Variants in TPX2 observed in about 807,000 individuals in gnomAD.
TPX2 encodes the protein TPX2 microtubule nucleation factor.
TPX2 carries 21 observed loss-of-function variants against 93.6 expected under a neutral mutation model. That is an observed-to-expected ratio of 0.22 (90% CI 0.16 to 0.32). The LOEUF is 0.32. TPX2 is among the 10% of genes least tolerant of loss of function. The pLI is 1.00. For synonymous variants in TPX2, 281 were observed against 298.3 expected (o/e 0.94, Z 0.60); for missense variants, 776 against 871.1 (o/e 0.89, Z 1.37).
At chr20:31,742,082 T>A (rs1600346860) in intron 1 of TPX2, among the ~76,000 whole-genome samples, 2 of 151,924 alleles carry the variant, frequency 1.3e-5, no homozygotes, top group East Asian at 3.9e-4. Flanking sequence ...TAAAGAACAG[T>A]GAGAAAAGTA....
At chr20:31,756,645 C>T (rs1329149283) in intron 2 of TPX2, among the ~76,000 whole-genome samples, 1 of 151,594 alleles carries the variant, frequency 6.6e-6, no homozygotes, top group African/African-American at 2.4e-5. Flanking sequence ...TTTTTTGAGA[C>T]AGAGTTTTGC....
chr20:31,762,988 C>T (rs886275756), intron 4 of TPX2, among the ~76,000 whole-genome samples: 2 of 152,100 alleles, frequency 1.3e-5, no homozygotes, highest in South Asian at 2.1e-4. Context: ...GCTATAAATA[C>T]GTGGATTTTT....
intron 2 of TPX2, among the ~76,000 whole-genome samples, chr20:31,757,188 G>A (rs1316408510): frequency 5.3e-5 from 8 of 152,064 alleles, no homozygotes; most frequent in Admixed American, 3.3e-4. Flanking sequence ...GATTACAGAC[G>A]TGAGCCACTG....
intron 2 of TPX2, among the ~76,000 whole-genome samples, chr20:31,756,116 CTCT>C (rs2061849926): frequency 2.0e-5 from 3 of 152,138 alleles, no homozygotes; most frequent in Admixed American, 1.3e-4. Flanking sequence ...CTGTGTTGAA[CTCT>C]TACTATGTAT....
rs1236430461 is a variant in TPX2 at position 31,783,839 on chromosome 20, G to A, written c.1331G>A (p.Arg444Gln). 6 of 1,608,984 alleles carry A rather than the reference G, an allele frequency of 3.7e-6. No homozygotes were observed. Among genetic ancestry groups the A allele is most frequent in the Admixed American group, 3.4e-5 (2 of 58,268 alleles). The change falls in exon 12 of 18, where the codon CGA (arginine) becomes CAA (glutamine). Residue 444 changes from arginine (R) to glutamine (Q), a missense_variant. Around this residue, in one of 3 missense-constraint regions of TPX2, gnomAD observed 461 missense variants for 551.2 expected, o/e 0.84. Transcript: ENST00000300403. ...DLEIEKRIQE[R>Q]ESKKKTEDEH... is the part of the protein sequence containing the mutation. ...GAAATTGAGAAAAGAATCCAGGAGC[G>A]AGAATCAAAGAAGAAAACAGAGGAT...
intron 4 of TPX2, among the ~76,000 whole-genome samples, chr20:31,763,677 T>C (rs2061905011): frequency 6.6e-6 from 1 of 151,822 alleles, no homozygotes; most frequent in Non-Finnish European, 1.5e-5. Context: ...CGTTGATGAA[T>C]TGGCCACTTT....
At chr20:31,747,942 G>A (rs1440273364) in intron 2 of TPX2, among the ~76,000 whole-genome samples, 6 of 151,990 alleles carry the variant, frequency 3.9e-5, no homozygotes, top group African/African-American at 1.4e-4. Context: ...AATTTTGGAA[G>A]ATTTCACATC....
chr20:31,766,552 G>T lies in TPX2; in HGVS notation c.230-4G>T. 6.2e-7 allele frequency: 1 copy of T among 1,602,896 alleles called. No individual in the cohort carries two copies. Among genetic ancestry groups the T allele is most frequent in the Non-Finnish European group, 8.5e-7 (1 of 1,174,310 alleles). On this transcript the variant is annotated splice_polypyrimidine_tract_variant and splice_region_variant and intron_variant, in intron 4 of 17. Transcript: ENST00000300403. ...AGTGCTGACTAGCTTTTGGTCTTCC[G>T]CAGTTGACAACACTTACTACAAAGA...
At chr20:31,746,236 C>T (rs998906405) in intron 2 of TPX2, among the ~76,000 whole-genome samples, 2 of 152,206 alleles carry the variant, frequency 1.3e-5, no homozygotes, top group Non-Finnish European at 2.9e-5. Flanking sequence ...GTCCATTAAA[C>T]TTCCTTCAGA....
chr20:31,793,972 A>G lies in TPX2; in HGVS notation c.1634A>G (p.Lys545Arg). The change falls in exon 14 of 18, where the codon AAA (lysine) becomes AGA (arginine). Residue 545 changes from lysine (K) to arginine (R), a missense_variant. By Grantham distance (26) the Lys-to-Arg change is conservative. Coordinates refer to ENST00000300403, the MANE Select transcript of TPX2 (RefSeq NM_012112.5). ...CCTTTCTCGTTTGATTCTCGAGACA[A>G]AGAACGTCAGTTACAGAAGGAGAAG... ...ICPFSFDSRD[K>R]ERQLQKEKKI... is the part of the protein sequence containing the mutation. The G allele has an allele frequency of 1.9e-6, 3 of 1,613,760 alleles. No homozygotes were observed. The highest frequency in any genetic ancestry group is 2.5e-6 in the Non-Finnish European group (3 of 1,179,868).
chr20:31,770,367 GA>G lies in TPX2; in HGVS notation c.383del (p.Lys128ArgfsTer11). On this transcript the variant is annotated frameshift_variant, in exon 6 of 18. Coordinates refer to ENST00000300403, the MANE Select transcript of TPX2 (RefSeq NM_012112.5). LOFTEE classifies it high-confidence loss of function. ...QRRSLRLSAQ[K>X]DLEQKEKHHV... ...GAAGATCTCTTAGGCTTTCTGCTCA[GA>G]AGGATTTGGAACAGAAAGAAAAGCA... The G allele has an allele frequency of 6.3e-7, 1 of 1,599,256 alleles. No individual in the cohort carries two copies. The highest frequency in any genetic ancestry group is 1.1e-5 in the South Asian group (1 of 88,244).
At chr20:31,766,509 T>G (rs2061927247) in intron 4 of TPX2, 47 bp from the exon 5 acceptor site, 1 of 1,543,742 alleles carries the variant, frequency 6.5e-7, no homozygotes, top group South Asian at 1.2e-5. Flanking sequence ...CATCTCCAAT[T>G]ATTTTCCTTG....
intron 10 of TPX2, among the ~76,000 whole-genome samples, chr20:31,780,112 C>T (rs1311612589): frequency 2.0e-5 from 3 of 152,086 alleles, no homozygotes; most frequent in Non-Finnish European, 4.4e-5. Flanking sequence ...AGTGCAGTGG[C>T]GCGATCTCGA....
intron 2 of TPX2, among the ~76,000 whole-genome samples, chr20:31,755,760 C>CAA (rs559251251): frequency 8.8e-6 from 1 of 113,966 alleles, no homozygotes; most frequent in Non-Finnish European, 1.9e-5. Flanking sequence ...GACTCCGTCT[C>CAA]AAAAAAAAAA....
chr20:31,789,612 C>CAA (rs201001634), intron 12 of TPX2, among the ~76,000 whole-genome samples: 3 of 140,594 alleles, frequency 2.1e-5, no homozygotes, highest in Non-Finnish European at 3.0e-5. Flanking sequence ...ATAGCAAAAA[C>CAA]AAAAAAAAAC....
intron 3 of TPX2, among the ~76,000 whole-genome samples, chr20:31,759,252 A>T (rs1001301172): frequency 6.6e-6 from 1 of 152,062 alleles, no homozygotes; most frequent in South Asian, 2.1e-4. Flanking sequence ...AGAATCTAAG[A>T]TAAAATTTCT....
chr20:31,768,989 C>T (rs2061946639), intron 5 of TPX2, among the ~76,000 whole-genome samples: 1 of 152,112 alleles, frequency 6.6e-6, no homozygotes, highest in Non-Finnish European at 1.5e-5. Context: ...GAATATTATA[C>T]AGCAATGAAA....
intron 3 of TPX2, among the ~76,000 whole-genome samples, chr20:31,758,661 C>T (rs6087776): frequency 4.6e-5 from 7 of 152,040 alleles, no homozygotes; most frequent in African/African-American, 9.7e-5. Context: ...TGTACTTATC[C>T]GTATAGTGCA....
chr20:31,795,198 A>G (rs2062130044), intron 15 of TPX2, among the ~76,000 whole-genome samples: 1 of 151,788 alleles, frequency 6.6e-6, no homozygotes, highest in Admixed American at 6.6e-5. Flanking sequence ...CAGTAGTGCG[A>G]TCTCGGCTCA....
Sources: allele counts gnomAD v4.1 joint callset (sites outside exome capture counted in the v4.1 genomes callset), GRCh38; gene constraint gnomAD v4.1.1; regional missense constraint gnomAD v4.1.1; transcripts MANE v1.5; gene names NCBI Gene and HGNC (gene_info 2026-07-23, HGNC 2026-07-21).